CTNND2: variants seen among roughly 807,000 people sequenced by gnomAD.
CTNND2 encodes the protein catenin delta-2.
A neutral mutation model predicts 144.4 loss-of-function variants in CTNND2; 22 were observed. That is an observed-to-expected ratio of 0.15 (90% CI 0.11 to 0.22). The LOEUF (loss-of-function observed/expected upper bound fraction) is 0.22. CTNND2 is among the 10% of genes least tolerant of loss of function. The pLI is 1.00. For synonymous variants in CTNND2, 751 were observed against 695.6 expected (o/e 1.08, Z -1.25); for missense variants, 1,353 against 1,618.8 (o/e 0.84, Z 2.82).
intron 1 of CTNND2, among the ~76,000 whole-genome samples, chr5:11,759,868 G>A (rs1177267998): frequency 2.0e-5 from 3 of 151,990 alleles, no homozygotes; most frequent in Non-Finnish European, 4.4e-5. Flanking sequence ...CCCCAAGGTG[G>A]CAAAGGGAAG....
intron 8 of CTNND2, among the ~76,000 whole-genome samples, chr5:11,349,562 G>A (rs40289): frequency 0.21 from 31,608 of 152,056 alleles, 3,605 homozygotes; most frequent in South Asian, 0.3. Flanking sequence ...CCTCAAAGCT[G>A]TAGATTATTG....
chr5:11,510,284 T>C (rs1014972137), intron 3 of CTNND2, among the ~76,000 whole-genome samples: 1 of 152,078 alleles, frequency 6.6e-6, no homozygotes, highest in Non-Finnish European at 1.5e-5. Context: ...TCTAAACCCT[T>C]GGCAACTAAA....
intron 6 of CTNND2, chr5:11,385,890 A>G (rs1462330825): frequency 6.6e-6 from 1 of 152,008 alleles, no homozygotes; most frequent in East Asian, 1.9e-4. Flanking sequence ...GAGGAATTAG[A>G]GCAATTGGAA....
intron 1 of CTNND2, among the ~76,000 whole-genome samples, chr5:11,875,579 A>G (rs1735505457): frequency 6.6e-6 from 1 of 152,116 alleles, no homozygotes; most frequent in Non-Finnish European, 1.5e-5. Flanking sequence ...TTGGGCCCTC[A>G]TGATGGGATT....
chr5:11,583,281 A>C (rs890217343), intron 2 of CTNND2, among the ~76,000 whole-genome samples: 1 of 152,220 alleles, frequency 6.6e-6, no homozygotes, highest in African/African-American at 2.4e-5. Context: ...GTTTCTTGTA[A>C]GGGAAAAGTG....
At chr5:11,471,295 T>C (rs7711893) in intron 3 of CTNND2, among the ~76,000 whole-genome samples, 65,924 of 151,740 alleles carry the variant, frequency 0.43, 14,612 homozygotes, top group Middle Eastern at 0.55. Flanking sequence ...ATAATTTTAA[T>C]GCATTTTCTA....
rs1737218041 is a variant in CTNND2, at chr5:11,199,549, T to G, written c.1874A>C (p.Asn625Thr). 1 of 1,614,208 alleles carries G rather than the reference T, an allele frequency of 6.2e-7. No individual in the cohort carries two copies. Among genetic ancestry groups the G allele is most frequent in the Non-Finnish European group, 8.5e-7 (1 of 1,180,044 alleles). ...ALRNLVYGKA[N>T]DDNKIALKNC... is the part of the protein sequence containing the mutation. ...TTTCAGGGCAATTTTGTTATCATCG[T>G]TGGCCTTCCCATACACCAGGTTTCT... Residue 625 changes from asparagine to threonine, a missense_variant, in exon 11 of 22, where the codon AAC becomes ACC. This residue lies in a region of CTNND2 where 117 missense variants were observed against 117.8 expected (regional missense o/e 0.99). Transcript: ENST00000304623.
intron 1 of CTNND2, among the ~76,000 whole-genome samples, chr5:11,885,119 T>C (rs950263579): frequency 9.2e-5 from 14 of 152,198 alleles, no homozygotes; most frequent in African/African-American, 3.4e-4. Context: ...GGCCTGTAGT[T>C]TTACTTTTTG....
intron 1 of CTNND2, among the ~76,000 whole-genome samples, chr5:11,761,944 A>T (rs1181127101): frequency 6.6e-6 from 1 of 152,188 alleles, no homozygotes; most frequent in East Asian, 1.9e-4. Flanking sequence ...GAAATTGAAA[A>T]ATGAAAGGAC....
At chr5:11,169,614 T>C (rs1759697404) in intron 11 of CTNND2, among the ~76,000 whole-genome samples, 1 of 152,206 alleles carries the variant, frequency 6.6e-6, no homozygotes, top group Admixed American at 6.5e-5. Context: ...TCTCTGGGTC[T>C]CGAGTGAGCA....
At chr5:11,175,088 T>G (rs1760341161) in intron 11 of CTNND2, among the ~76,000 whole-genome samples, 1 of 152,148 alleles carries the variant, frequency 6.6e-6, no homozygotes, top group African/African-American at 2.4e-5. Context: ...GGAATTTCTA[T>G]GCTTGTGTAT....
At chr5:11,763,063 A>G (rs973648256) in intron 1 of CTNND2, among the ~76,000 whole-genome samples, 1 of 152,070 alleles carries the variant, frequency 6.6e-6, no homozygotes. Context: ...GTGAGTTCTC[A>G]TGAGACCTGG....
chr5:11,511,298 C>T (rs1415174179), intron 3 of CTNND2, among the ~76,000 whole-genome samples: 1 of 152,160 alleles, frequency 6.6e-6, no homozygotes, highest in African/African-American at 2.4e-5. Flanking sequence ...AGGCAAACAT[C>T]AAAATCAAAG....
intron 9 of CTNND2, among the ~76,000 whole-genome samples, chr5:11,243,488 T>C (rs1580692949): frequency 6.6e-6 from 1 of 152,326 alleles, no homozygotes; most frequent in Non-Finnish European, 1.5e-5. Flanking sequence ...TCAGGTATTG[T>C]ATATAACTAA....
rs1179410504 is a variant in CTNND2, at chr5:11,216,904, A to T, written c.1762-17243T>A. ...ACCAATAGATCATCCTCCTGCTATA[A>T]CCACCAGGGCTCATTCTTTGGCTGC... On this transcript the variant is annotated intron_variant, in intron 10 of 21. Transcript: ENST00000304623. 3.9e-5 allele frequency among the ~76,000 whole-genome samples: 6 copies of T among 152,176 alleles called. No individual in the cohort carries two copies. In the East Asian group the frequency reaches 9.6e-4, roughly 24 times the overall value.
intron 2 of CTNND2, among the ~76,000 whole-genome samples, chr5:11,678,730 C>T (rs1784292011): frequency 6.6e-6 from 1 of 151,884 alleles, no homozygotes; most frequent in Admixed American, 6.6e-5. Context: ...GAGTAACAAA[C>T]CTTATTTTAA....
intron 2 of CTNND2, among the ~76,000 whole-genome samples, chr5:11,634,991 T>C (rs1781606219): frequency 1.3e-5 from 2 of 151,934 alleles, no homozygotes; most frequent in South Asian, 4.2e-4. Context: ...GAAAGATCAA[T>C]ATAAAATGAG....
chr5:11,194,403 A>G (rs1157175757), intron 11 of CTNND2, among the ~76,000 whole-genome samples: 2 of 152,160 alleles, frequency 1.3e-5, no homozygotes, highest in Non-Finnish European at 2.9e-5. Flanking sequence ...AAACAAAATA[A>G]ACAACTCAGA....
chr5:11,428,912 T>C (rs79412696), intron 3 of CTNND2, among the ~76,000 whole-genome samples: 4,764 of 152,304 alleles, frequency 0.031, 214 homozygotes, highest in African/African-American at 0.11. Flanking sequence ...CCTCATCCTG[T>C]ATATTAATAT....
Sources: gnomAD v4.1 joint callset for allele counts (sites outside exome capture counted in the v4.1 genomes callset) on GRCh38, gnomAD v4.1.1 for gene constraint, gnomAD v4.1.1 regional missense constraint, MANE v1.5 for transcripts, NCBI Gene and HGNC (gene_info 2026-07-23, HGNC 2026-07-21) for gene names.